ATF1: variants seen among roughly 807,000 people sequenced by gnomAD.
ATF1 encodes cyclic AMP-dependent transcription factor ATF-1.
A neutral mutation model predicts 34.7 loss-of-function variants in ATF1; 16 were observed. That is an observed-to-expected ratio of 0.46 (90% CI 0.31 to 0.70). The LOEUF (loss-of-function observed/expected upper bound fraction) is 0.70, where lower values mean the gene tolerates loss of function less well. Ranked by LOEUF, ATF1 falls within the 30% of genes least tolerant of loss-of-function variation. The pLI, the probability that ATF1 is intolerant of heterozygous loss-of-function variation, is 0.05. For synonymous variants in ATF1, 105 were observed against 113.1 expected (o/e 0.93, Z 0.46); for missense variants, 255 against 321.6 (o/e 0.79, Z 1.58).
At chr12:50,816,062 T>G (rs1941837378) in intron 6 of ATF1, among the ~76,000 whole-genome samples, 1 of 152,036 alleles carries the variant, frequency 6.6e-6, no homozygotes, top group Admixed American at 6.5e-5. Context: ...GGGCTGGGCG[T>G]GGTGGCTTAT....
chr12:50,770,161 G>A (rs1940736415), intron 1 of ATF1, among the ~76,000 whole-genome samples: 1 of 152,192 alleles, frequency 6.6e-6, no homozygotes. Context: ...CTAGTTGTGA[G>A]TATTCTTAAC....
chr12:50,778,224 C>CTTTT lies in ATF1; in HGVS notation c.-6-1899_-6-1896dup, dbSNP rs71086479. Among the ~76,000 whole-genome samples, 22 of 96,398 alleles carry CTTTT rather than the reference C, an allele frequency of 2.3e-4. 1 individual carries two copies. The highest frequency in any genetic ancestry group is 5.3e-4 in the African/African-American group (13 of 24,310). 63.2% of individuals were successfully genotyped at this position (96,398 alleles called of 152,430 possible). A position where few individuals can be genotyped will look rare whatever the true frequency, so the allele number is the denominator to read the frequency against. ...AGCCACCACACCTGGCCATATTAAC[C>CTTTT]TTTTTTTTTTTTTTTTTTTTGAGAC... On this transcript the variant is annotated intron_variant, in intron 1 of 6. Coordinates refer to ENST00000262053, the MANE Select transcript of ATF1 (RefSeq NM_005171.5).
At chr12:50,798,675 C>T (rs563106092) in intron 3 of ATF1, among the ~76,000 whole-genome samples, 1 of 152,230 alleles carries the variant, frequency 6.6e-6, no homozygotes, top group East Asian at 1.9e-4. Flanking sequence ...AAAGAAACTT[C>T]TCAAAGTTAA....
In ATF1 at chr12:50,785,284, TACACACACACACACACACACAC is replaced by T. The variant is rs56040362; in HGVS notation, c.93+5080_93+5101del. On this transcript the variant is annotated intron_variant, in intron 2 of 6. Transcript: ENST00000262053. ...TCAAAAAAAAAATTATATATATACA[TACACACACACACACACACACAC>T]ACACACACACACACACACACACACA... Among the ~76,000 whole-genome samples, 686 of 128,490 alleles carry T rather than the reference TACACACACACACACACACACAC, an allele frequency of 5.3e-3. 9 individuals carry two copies. Among genetic ancestry groups the T allele is most frequent in the East Asian group, 0.044 (186 of 4,212 alleles). 84.3% of individuals were successfully genotyped at this position (128,490 alleles called of 152,430 possible).
At chr12:50,785,486 A>T (rs1157941510) in intron 2 of ATF1, among the ~76,000 whole-genome samples, 2 of 152,138 alleles carry the variant, frequency 1.3e-5, no homozygotes, top group East Asian at 3.8e-4. Flanking sequence ...TCTGTGCTGC[A>T]GAACAAATCA....
At chr12:50,786,049 T>C (rs1232805491) in intron 2 of ATF1, among the ~76,000 whole-genome samples, 2 of 152,080 alleles carry the variant, frequency 1.3e-5, no homozygotes, top group Non-Finnish European at 2.9e-5. Flanking sequence ...CTGCAGATCA[T>C]GGGGGCCACC....
chr12:50,805,154 C>T (rs1030455266), intron 3 of ATF1, among the ~76,000 whole-genome samples: 2 of 151,512 alleles, frequency 1.3e-5, no homozygotes, highest in Non-Finnish European at 2.9e-5. Context: ...TGAAGAAAAT[C>T]TGCCAAAAAG....
chr12:50,767,206 G>A lies in ATF1; in HGVS notation c.-7+2899G>A, dbSNP rs554963788. 9.0e-5 allele frequency among the ~76,000 whole-genome samples: 13 copies of A among 144,348 alleles called. No homozygotes were observed. In the South Asian group the frequency reaches 2.3e-3, roughly 25 times the overall value. The allele number at this position is 144,348 out of a possible 152,430, so 94.7% of individuals were successfully genotyped here. A position where few individuals can be genotyped will look rare whatever the true frequency, so the allele number is the denominator to read the frequency against. ...TGGCTTCTCTCTCACTGTACAAATG[G>A]TTAAGTGAATGGTTAAAAAAAAAAA... is the stretch of plus-strand genomic sequence containing the variant. On this transcript the variant is annotated intron_variant, in intron 1 of 6. Transcript: ENST00000262053.
intron 2 of ATF1, among the ~76,000 whole-genome samples, chr12:50,789,711 T>C (rs1376273935): frequency 6.6e-6 from 1 of 152,000 alleles, no homozygotes; most frequent in Non-Finnish European, 1.5e-5. Flanking sequence ...GCCGAGATTG[T>C]GCCACTGCAC....
At chr12:50,805,579 A>AC (rs1941599894) in intron 3 of ATF1, among the ~76,000 whole-genome samples, 1 of 151,848 alleles carries the variant, frequency 6.6e-6, no homozygotes, top group Non-Finnish European at 1.5e-5. Context: ...AAAAAAAAAA[A>AC]AAACCTTTTG....
chr12:50,795,839 A>T, intron 2 of ATF1, 70 bp from the exon 3 acceptor site: 2 of 1,231,940 alleles, frequency 1.6e-6, no homozygotes, highest in Non-Finnish European at 1.2e-6. Context: ...ATTTTTTTCT[A>T]AAAGTAAAAA....
intron 1 of ATF1, among the ~76,000 whole-genome samples, chr12:50,778,596 C>CT (rs113035498): frequency 0.057 from 7,872 of 137,948 alleles, 214 homozygotes; most frequent in African/African-American, 0.079. Flanking sequence ...ATGTCCAGAA[C>CT]TTTTTTTTTT....
chr12:50,797,950 G>A (rs2139674024), intron 3 of ATF1, among the ~76,000 whole-genome samples: 1 of 152,084 alleles, frequency 6.6e-6, no homozygotes, highest in East Asian at 2.0e-4. Context: ...GGCCGAGGCG[G>A]GTGGATCACT....
intron 2 of ATF1, among the ~76,000 whole-genome samples, chr12:50,791,320 C>T (rs1379432990): frequency 3.9e-5 from 6 of 152,062 alleles, no homozygotes; most frequent in African/African-American, 1.4e-4. Flanking sequence ...CTTTGGGAGG[C>T]GGAGGTGGGC....
intron 6 of ATF1, among the ~76,000 whole-genome samples, chr12:50,816,828 C>T (rs1565921953): frequency 1.3e-5 from 2 of 152,052 alleles, no homozygotes; most frequent in Admixed American, 1.3e-4. Flanking sequence ...CATTGTACTT[C>T]AGCCTGGGCA....
chr12:50,813,251 G>A (rs1295229263), intron 4 of ATF1, among the ~76,000 whole-genome samples: 1 of 152,124 alleles, frequency 6.6e-6, no homozygotes, highest in Admixed American at 6.5e-5. Context: ...TCACTAGGAA[G>A]TAAATGAATA....
At chr12:50,765,384 C>T (rs1422707583) in intron 1 of ATF1, among the ~76,000 whole-genome samples, 1 of 152,166 alleles carries the variant, frequency 6.6e-6, no homozygotes, top group African/African-American at 2.4e-5. Context: ...CTCTTTAATA[C>T]TTGCCGTTAT....
At chr12:50,763,934 G>A (rs989501481), upstream of ATF1, 1 of 152,296 alleles carries the variant, frequency 6.6e-6, no homozygotes, top group Non-Finnish European at 1.5e-5. Flanking sequence ...AGTCAGGACC[G>A]CGTACAAGAT....
intron 2 of ATF1, among the ~76,000 whole-genome samples, chr12:50,789,785 GA>G (rs1308777387): frequency 6.6e-6 from 1 of 152,012 alleles, no homozygotes; most frequent in Non-Finnish European, 1.5e-5. Flanking sequence ...AAGATTGGGG[GA>G]CCAGGTCCTC....
Sources: allele counts gnomAD v4.1 joint callset (sites outside exome capture counted in the v4.1 genomes callset), GRCh38; gene constraint gnomAD v4.1.1; transcripts MANE v1.5; gene names NCBI Gene and HGNC (gene_info 2026-07-23, HGNC 2026-07-21).